The following NPNT variants were observed in gnomAD, a reference collection of about 807,000 sequenced individuals.
NPNT encodes preosteoblast EGF-like repeat protein with MAM domain.
NPNT carries 45 observed loss-of-function variants against 68.6 expected under a neutral mutation model. The ratio of observed to expected loss-of-function variants is 0.66; its 90% CI spans 0.52 to 0.84. The LOEUF (loss-of-function observed/expected upper bound fraction) is 0.84, where lower values mean the gene tolerates loss of function less well. Ranked by LOEUF, NPNT falls within the 40% of genes least tolerant of loss-of-function variation. NPNT has a pLI of 0.00. For missense variants in NPNT, 672 were observed against 714.8 expected (o/e 0.94, Z 0.68); for synonymous variants, 233 against 253.3 (o/e 0.92, Z 0.76).
intron 2 of NPNT, chr4:105,912,151 G>T (rs976108752): frequency 7.5e-6 from 11 of 1,462,906 alleles, no homozygotes; most frequent in African/African-American, 5.6e-5. Flanking sequence ...ACAGAGAAAA[G>T]ATCTGGAATT....
intron 2 of NPNT, among the ~76,000 whole-genome samples, chr4:105,916,997 C>T (rs538981688): frequency 2.0e-5 from 3 of 152,218 alleles, no homozygotes; most frequent in Non-Finnish European, 4.4e-5. Context: ...GACCTTATTA[C>T]ATATCATAGA....
chr4:105,938,496 A>T, intron 5 of NPNT, 76 bp downstream of exon 5: 2 of 1,445,000 alleles, frequency 1.4e-6, no homozygotes, highest in East Asian at 4.7e-5. Context: ...GATGGGAATA[A>T]GGAAAAAAAA....
intron 8 of NPNT, among the ~76,000 whole-genome samples, chr4:105,953,120 C>T (rs911351578): frequency 1.3e-5 from 2 of 152,194 alleles, no homozygotes; most frequent in South Asian, 2.1e-4. Flanking sequence ...GAGCCAAGAT[C>T]GTGCCTCTGC....
intron 2 of NPNT, among the ~76,000 whole-genome samples, chr4:105,917,472 A>T (rs1281503309): frequency 2.6e-5 from 4 of 152,244 alleles, no homozygotes; most frequent in African/African-American, 9.6e-5. Flanking sequence ...GAGACTGTAC[A>T]CTACAGAGCA....
intron 2 of NPNT, among the ~76,000 whole-genome samples, chr4:105,903,189 A>G (rs1017218371): frequency 2.0e-5 from 3 of 152,332 alleles, no homozygotes; most frequent in African/African-American, 7.2e-5. Context: ...TAAAAAATGT[A>G]GGTGTCTTCT....
chr4:105,921,456 C>T (rs1323992123), intron 2 of NPNT, among the ~76,000 whole-genome samples: 5 of 152,136 alleles, frequency 3.3e-5, no homozygotes, highest in Admixed American at 3.3e-4. Context: ...TTCAGTCAGT[C>T]ATATGAAATG....
intron 3 of NPNT, among the ~76,000 whole-genome samples, chr4:105,932,180 G>A (rs1729170365): frequency 6.7e-6 from 1 of 149,020 alleles, no homozygotes; most frequent in Non-Finnish European, 1.5e-5. Context: ...ATTGTACAAC[G>A]TGATAGTGTA....
chr4:105,903,955 T>A (rs1204850263), intron 2 of NPNT, among the ~76,000 whole-genome samples: 5 of 151,896 alleles, frequency 3.3e-5, no homozygotes, highest in African/African-American at 1.2e-4. Context: ...TGGATAATTT[T>A]TGTATTTTTT....
intron 3 of NPNT, among the ~76,000 whole-genome samples, chr4:105,935,399 A>T (rs1215186246): frequency 1.3e-5 from 2 of 152,206 alleles, no homozygotes; most frequent in Non-Finnish European, 2.9e-5. Flanking sequence ...CTCTTAGAAG[A>T]TGAGAAAAGT....
intron 2 of NPNT, among the ~76,000 whole-genome samples, chr4:105,901,849 T>C (rs1467265882): frequency 4.6e-5 from 7 of 152,204 alleles, no homozygotes; most frequent in Non-Finnish European, 8.8e-5. Flanking sequence ...GATATAGTAA[T>C]TCATTCTGAA....
rs780911808 is a variant in NPNT at position 105,897,977 on chromosome 4, C to T, written c.148C>T (p.Arg50Cys). ...GATTGACTGCTGCTGGGGCTGGGCT[C>T]GCCAGTCTTGGGGACAGTGTCAGCG... ...GRIDCCWGWARQSWGQCQPVC... is the reference protein window; with the variant it reads ...GRIDCCWGWACQSWGQCQPVC... Residue 50 changes from arginine to cysteine, a missense_variant, in exon 2 of 12, where the codon CGC becomes TGC. By Grantham distance (180) the Arg-to-Cys change is radical. Coordinates refer to ENST00000379987, the MANE Select transcript of NPNT (RefSeq NM_001033047.3). 17 of 1,611,446 alleles carry T rather than the reference C, an allele frequency of 1.1e-5. No individual in the cohort carries two copies. Among genetic ancestry groups the T allele is most frequent in the East Asian group, 8.9e-5 (4 of 44,868 alleles).
At chr4:105,911,900 G>A (rs1000572621) in intron 2 of NPNT, 5 of 308,356 alleles carry the variant, frequency 1.6e-5, no homozygotes, top group African/African-American at 1.1e-4. Context: ...TGAAAATACA[G>A]CATCACAAAA....
intron 2 of NPNT, among the ~76,000 whole-genome samples, chr4:105,909,264 T>A (rs1727163974): frequency 6.6e-6 from 1 of 152,194 alleles, no homozygotes; most frequent in Admixed American, 6.5e-5. Context: ...AGAAGTATTT[T>A]ATGAAGTTTG....
chr4:105,901,372 A>G (rs1726403630), intron 2 of NPNT, among the ~76,000 whole-genome samples: 1 of 152,182 alleles, frequency 6.6e-6, no homozygotes, highest in South Asian at 2.1e-4. Flanking sequence ...GCAACTGAAA[A>G]CTTCCTTAAT....
intron 11 of NPNT, among the ~76,000 whole-genome samples, chr4:105,968,414 T>C (rs1028043923): frequency 3.3e-5 from 5 of 152,344 alleles, no homozygotes; most frequent in South Asian, 4.1e-4. Flanking sequence ...GGTTTTTACA[T>C]AGGTAAAGCA....
chr4:105,913,112 C>T (rs1727505622), intron 2 of NPNT, among the ~76,000 whole-genome samples: 2 of 152,158 alleles, frequency 1.3e-5, no homozygotes, highest in South Asian at 4.1e-4. Flanking sequence ...GGTGATCTGC[C>T]GGCCTCGGCC....
chr4:105,914,377 A>C (rs535099120), intron 2 of NPNT, among the ~76,000 whole-genome samples: 59 of 137,250 alleles, frequency 4.3e-4, no homozygotes, highest in South Asian at 4.3e-3. Flanking sequence ...CTCTCTCTAT[A>C]TATATAATAT....
intron 8 of NPNT, among the ~76,000 whole-genome samples, 155 bp from the exon 9 acceptor site, chr4:105,958,316 G>A (rs530951428): frequency 1.3e-5 from 2 of 152,200 alleles, no homozygotes; most frequent in South Asian, 2.1e-4. Flanking sequence ...AACAAAATTC[G>A]TGAATCTTCA....
In NPNT at chr4:105,895,569, A is replaced by G. The variant is rs1042128559; in HGVS notation, c.-84A>G. 2.6e-6 allele frequency: 3 copies of G among 1,145,166 alleles called. No homozygotes were observed. The highest frequency in any genetic ancestry group is 4.3e-5 in the Admixed American group (2 of 46,988). The allele number at this position is 1,145,166 out of a possible 1,614,324, so 70.9% of individuals were successfully genotyped here. On this transcript the variant is annotated 5_prime_UTR_variant, in exon 1 of 12. Coordinates refer to ENST00000379987, the MANE Select transcript of NPNT (RefSeq NM_001033047.3). ...GGGCTGGGGGTTCCTCGAGACTCTC[A>G]GAGGGGCGCCTCCCATCGGCGCCCA...
Sources: allele counts gnomAD v4.1 joint callset (sites outside exome capture counted in the v4.1 genomes callset), GRCh38; gene constraint gnomAD v4.1.1; transcripts MANE v1.5; gene names NCBI Gene and HGNC (gene_info 2026-07-23, HGNC 2026-07-21).